OR3A2: variants seen among roughly 807,000 people sequenced by gnomAD.
The protein encoded by OR3A2 is olfactory receptor family 3 subfamily A member 2.
For synonymous variants in OR3A2, 126 were observed against 159.3 expected (o/e 0.79, Z 1.57); for missense variants, 318 against 392.8 (o/e 0.81, Z 1.61).
intron 1 of OR3A2, among the ~76,000 whole-genome samples, chr17:3,281,622 C>T (rs371758364): frequency 6.8e-6 from 1 of 146,832 alleles, no homozygotes; most frequent in Non-Finnish European, 1.5e-5. Context: ...TCTTTCTTGC[C>T]ACCCCCTCAA....
chr17:3,358,678 A>G (rs1222660928), intron 2 of OR3A2, among the ~76,000 whole-genome samples: 1 of 151,624 alleles, frequency 6.6e-6, no homozygotes, highest in Non-Finnish European at 1.5e-5. Flanking sequence ...ACATTTGTTG[A>G]GGATTATTTT....
At chr17:3,288,545 A>ATGAC (rs1491299191), upstream of OR3A2, among the ~76,000 whole-genome samples, 11 of 152,344 alleles carry the variant, frequency 7.2e-5, no homozygotes, top group Non-Finnish European at 1.3e-4. Flanking sequence ...AGAGTGACAC[A>ATGAC]TGACTGTACA....
At chr17:3,324,576 C>T (rs558601445) in intron 3 of OR3A2, among the ~76,000 whole-genome samples, 5 of 152,108 alleles carry the variant, frequency 3.3e-5, no homozygotes, top group African/African-American at 9.7e-5. Flanking sequence ...TTCCTTCTAA[C>T]AGACAGGACC....
intron 3 of OR3A2, among the ~76,000 whole-genome samples, chr17:3,335,568 T>A (rs2049270143): frequency 1.3e-5 from 2 of 152,160 alleles, no homozygotes; most frequent in Admixed American, 1.3e-4. Flanking sequence ...TTCCATTCCA[T>A]CAATTTTCTA....
chr17:3,304,308 C>G (rs2048986478), intron 3 of OR3A2, among the ~76,000 whole-genome samples: 1 of 152,168 alleles, frequency 6.6e-6, no homozygotes, highest in Non-Finnish European at 1.5e-5. Flanking sequence ...GACTCTGGAG[C>G]TGTCTATCTG....
intron 2 of OR3A2, among the ~76,000 whole-genome samples, chr17:3,337,022 A>C (rs2049279154): frequency 6.6e-6 from 1 of 152,176 alleles, no homozygotes; most frequent in Non-Finnish European, 1.5e-5. Context: ...ATGGGTTCCG[A>C]TATCTGTGTC....
intron 3 of OR3A2, among the ~76,000 whole-genome samples, chr17:3,323,705 T>G (rs1457217449): frequency 6.6e-6 from 1 of 152,158 alleles, no homozygotes; most frequent in African/African-American, 2.4e-5. Flanking sequence ...TTCTGGCTTG[T>G]AGAGTTTCTG....
chr17:3,291,333 C>T (rs1003635547), intron 3 of OR3A2: 2 of 282,788 alleles, frequency 7.1e-6, no homozygotes, highest in Non-Finnish European at 1.3e-5. Flanking sequence ...AGAGTCATTC[C>T]TTCTGGAACA....
chr17:3,335,503 A>G (rs2049269765), intron 3 of OR3A2, among the ~76,000 whole-genome samples: 1 of 152,114 alleles, frequency 6.6e-6, no homozygotes, highest in Non-Finnish European at 1.5e-5. Context: ...GTGGTATTTA[A>G]TTTATGCATA....
chr17:3,342,945 C>T (rs1354029505), intron 2 of OR3A2, among the ~76,000 whole-genome samples: 3 of 152,206 alleles, frequency 2.0e-5, no homozygotes, highest in Non-Finnish European at 4.4e-5. Context: ...TGTTTACCTA[C>T]TCTAGCCTCA....
At position 3,282,549 on chromosome 17, in the gene OR3A2, C is replaced by T. The variant is rs568396017; in HGVS notation, c.-7+1809G>A. On this transcript the variant is annotated intron_variant, in intron 1 of 1. Coordinates refer to ENST00000642052, the Ensembl canonical transcript of OR3A2. Reference sequence around the variant, plus strand: ...ACCAGCCTTCCAAATGAGGTCTCCACTGTGTGTGCTCAGGCCACGGGGAAG... The same window carrying T: ...ACCAGCCTTCCAAATGAGGTCTCCATTGTGTGTGCTCAGGCCACGGGGAAG... Among the ~76,000 whole-genome samples, 11 of 152,310 alleles carry T rather than the reference C, an allele frequency of 7.2e-5. No individual in the cohort carries two copies. The South Asian group carries it at 2.1e-3, about 29-fold the overall frequency.
At chr17:3,293,229 T>C (rs1295395620) in intron 3 of OR3A2, among the ~76,000 whole-genome samples, 1 of 151,548 alleles carries the variant, frequency 6.6e-6, no homozygotes, top group African/African-American at 2.4e-5. Context: ...CAATAATGGG[T>C]ATATGGTGTA....
At chr17:3,364,429 G>A (rs894395797) in intron 2 of OR3A2, among the ~76,000 whole-genome samples, 23 of 152,078 alleles carry the variant, frequency 1.5e-4, no homozygotes, top group Non-Finnish European at 2.9e-5. Flanking sequence ...CTGGTCAATG[G>A]ATTGCCAGAA....
chr17:3,333,992 CAT>C (rs1284900267), intron 3 of OR3A2, among the ~76,000 whole-genome samples: 5 of 152,056 alleles, frequency 3.3e-5, no homozygotes, highest in African/African-American at 7.2e-5. Flanking sequence ...CCGCCAAAAA[CAT>C]ATGAAAAAAA....
At chr17:3,375,503 T>A (rs2049676006) in intron 2 of OR3A2, among the ~76,000 whole-genome samples, 2 of 151,994 alleles carry the variant, frequency 1.3e-5, no homozygotes, top group East Asian at 1.9e-4. Context: ...GGTTTCACCA[T>A]GATGGTCAGG....
rs571861132 is a variant in OR3A2 at position 3,327,075 on chromosome 17, A to G, written c.-85+8958T>C. ...ATCCTTTGGGTATATATACCCAGTC[A>G]TGGGATGGCTGGGTCAAATGGTATT... On this transcript the variant is annotated intron_variant, in intron 3 of 4. Transcript: ENST00000573491. Among the ~76,000 whole-genome samples, 6 of 81,210 alleles carry G rather than the reference A, an allele frequency of 7.4e-5. 2 individuals carry two copies. The highest frequency in any genetic ancestry group is 4.4e-4 in the African/African-American group (6 of 13,784). 53.3% of individuals were successfully genotyped at this position (81,210 alleles called of 152,430 possible). A position where few individuals can be genotyped will look rare whatever the true frequency, so the allele number is the denominator to read the frequency against.
chr17:3,277,778 G>C (rs1474073146), exon 2 of OR3A2: 1 of 616,750 alleles, frequency 1.6e-6, no homozygotes, highest in Non-Finnish European at 2.7e-6. Flanking sequence ...CCAGATCATA[G>C]AGGTACTCTA....
intron 3 of OR3A2, chr17:3,310,223 T>C (rs759832326): frequency 3.2e-4 from 147 of 454,918 alleles, no homozygotes; most frequent in African/African-American, 9.6e-4. Context: ...CAAGATCTCA[T>C]TGATGATTGT....
intron 1 of OR3A2, among the ~76,000 whole-genome samples, chr17:3,384,891 CA>C (rs34135446): frequency 9.6e-5 from 14 of 146,526 alleles, no homozygotes; most frequent in Middle Eastern, 3.5e-3. Flanking sequence ...GATTCTTTAC[CA>C]AAAAAAAAAG....
Sources: gnomAD v4.1 joint callset for allele counts (sites outside exome capture counted in the v4.1 genomes callset) on GRCh38, gnomAD v4.1.1 for gene constraint, MANE v1.5 for transcripts, NCBI Gene and HGNC (gene_info 2026-07-23, HGNC 2026-07-21) for gene names.